Variants in INPP5B observed in about 807,000 individuals in gnomAD.
The protein encoded by INPP5B is inositol polyphosphate-5-phosphatase B.
INPP5B carries 90 observed loss-of-function variants against 118.5 expected under a neutral mutation model. The observed-to-expected ratio is 0.76, with a 90% CI of 0.64 to 0.90. The LOEUF (loss-of-function observed/expected upper bound fraction) is 0.90. Among genes scored for constraint, INPP5B ranks in the 40% least tolerant of loss-of-function variants. The pLI, the probability that INPP5B is intolerant of heterozygous loss-of-function variation, is 0.00. For missense variants in INPP5B, 984 were observed against 1,125.6 expected, an observed-to-expected ratio of 0.87 and a Z score of 1.80; for synonymous variants, 385 against 418.9, an observed-to-expected ratio of 0.92 and a Z score of 0.99.
intron 5 of INPP5B, among the ~76,000 whole-genome samples, chr1:37,942,933 A>G (rs1038749452): frequency 1.4e-5 from 2 of 145,016 alleles, no homozygotes; most frequent in Non-Finnish European, 3.0e-5. Context: ...GAGAGAGAGG[A>G]AGGGAGGGAG....
chr1:37,864,219 A>G, intron 23 of INPP5B, 93 bp downstream of exon 23: 1 of 686,864 alleles, frequency 1.5e-6, no homozygotes, highest in Admixed American at 2.8e-5. Context: ...TTTTAGTTCT[A>G]CTGCAAGGGA....
intron 13 of INPP5B, among the ~76,000 whole-genome samples, chr1:37,884,024 A>G (rs1380628140): frequency 1.3e-5 from 2 of 152,220 alleles, no homozygotes; most frequent in Admixed American, 6.5e-5. Context: ...ATATCTTTGT[A>G]AAGTTGAATT....
At chr1:37,928,156 T>G (rs1645310078) in intron 7 of INPP5B, among the ~76,000 whole-genome samples, 5 of 152,088 alleles carry the variant, frequency 3.3e-5, no homozygotes. Flanking sequence ...TTGTTTCTCC[T>G]GCCGTGAATC....
At chr1:37,882,274 C>G (rs928569838) in intron 14 of INPP5B, among the ~76,000 whole-genome samples, 2 of 152,142 alleles carry the variant, frequency 1.3e-5, no homozygotes, top group African/African-American at 4.8e-5. Flanking sequence ...CACAGGGAAA[C>G]AGATTCTCTT....
At chr1:37,883,168 GT>G in intron 13 of INPP5B, 1 of 985,288 alleles carries the variant, frequency 1.0e-6, no homozygotes, top group Non-Finnish European at 1.2e-6. Flanking sequence ...ATTCTTGTAG[GT>G]TGGAAAGACA....
chr1:37,895,747 G>A (rs927197285), intron 7 of INPP5B, among the ~76,000 whole-genome samples: 10 of 152,176 alleles, frequency 6.6e-5, no homozygotes, highest in Non-Finnish European at 1.3e-4. Flanking sequence ...GCTCCTAACC[G>A]CGAGTGATCC....
intron 7 of INPP5B, among the ~76,000 whole-genome samples, chr1:37,893,575 AG>A (rs1198892252): frequency 1.3e-5 from 2 of 152,172 alleles, no homozygotes; most frequent in East Asian, 3.8e-4. Context: ...TGACTATAAA[AG>A]CCTCAACTAG....
intron 7 of INPP5B, among the ~76,000 whole-genome samples, chr1:37,894,971 G>T (rs1643971409): frequency 6.6e-6 from 1 of 152,148 alleles, no homozygotes; most frequent in Non-Finnish European, 1.5e-5. Flanking sequence ...ACTAGAATGG[G>T]TTATGTCTAG....
At chr1:37,938,334 A>T (rs1052320001) in intron 6 of INPP5B, among the ~76,000 whole-genome samples, 1 of 151,892 alleles carries the variant, frequency 6.6e-6, no homozygotes, top group African/African-American at 2.4e-5. Flanking sequence ...AAATTTTTTT[A>T]AAAAGGAGTA....
At chr1:37,924,047 A>G (rs1212036548) in intron 7 of INPP5B, among the ~76,000 whole-genome samples, 2 of 150,058 alleles carry the variant, frequency 1.3e-5, no homozygotes, top group South Asian at 2.1e-4. Flanking sequence ...CAAAGTGCTG[A>G]GATTACAGGC....
rs1434650174 is a variant in INPP5B, at chr1:37,888,224, C to G, written c.899+19G>C. ...TGTGTGCTTGAAGATGGAGAGGGGA[C>G]TAGAAGAGAAGCACTCACCCTACAC... On this transcript the variant is annotated intron_variant, in intron 10 of 23. Coordinates refer to ENST00000373024, the MANE Select transcript of INPP5B (RefSeq NM_005540.3). 2 of 1,436,552 alleles carry G rather than the reference C, an allele frequency of 1.4e-6. No homozygotes were observed. Among genetic ancestry groups the G allele is most frequent in the Non-Finnish European group, 1.9e-6 (2 of 1,074,610 alleles). 89.0% of individuals were successfully genotyped at this position (1,436,552 alleles called of 1,614,324 possible). A position where few individuals can be genotyped will look rare whatever the true frequency, so the allele number is the denominator to read the frequency against.
intron 7 of INPP5B, among the ~76,000 whole-genome samples, chr1:37,896,816 G>A (rs545568032): frequency 7.1e-5 from 10 of 141,482 alleles, no homozygotes; most frequent in South Asian, 4.5e-4. Flanking sequence ...CGCCCTGTCC[G>A]GGAGGTGAGG....
intron 21 of INPP5B, 55 bp downstream of exon 21, chr1:37,866,404 T>TCACACA (rs1491111834): frequency 9.4e-4 from 344 of 366,950 alleles, no homozygotes; most frequent in African/African-American, 4.8e-3. Context: ...TCTCTCTCTC[T>TCACACA]CTCACACACA....
intron 7 of INPP5B, among the ~76,000 whole-genome samples, chr1:37,916,978 A>G (rs1279756597): frequency 6.6e-6 from 1 of 151,480 alleles, no homozygotes; most frequent in Non-Finnish European, 1.5e-5. Context: ...GTGTTGTCCA[A>G]TATATATTGA....
intron 18 of INPP5B, 39 bp from the exon 19 acceptor site, chr1:37,873,204 G>A (rs1642575660): frequency 3.4e-6 from 5 of 1,459,288 alleles, no homozygotes; most frequent in Non-Finnish European, 3.8e-6. Flanking sequence ...GCCGGGGGCA[G>A]GCCAAGAGGA....
intron 7 of INPP5B, among the ~76,000 whole-genome samples, chr1:37,910,799 G>A (rs1281452620): frequency 3.3e-5 from 5 of 151,888 alleles, no homozygotes; most frequent in Admixed American, 6.6e-5. Context: ...GCACCCTATC[G>A]ACCAAATTGT....
chr1:37,893,182 T>C (rs1433555390), intron 7 of INPP5B, among the ~76,000 whole-genome samples: 3 of 146,310 alleles, frequency 2.1e-5, no homozygotes, highest in Non-Finnish European at 4.5e-5. Flanking sequence ...CCAGGGCTCA[T>C]GTGATCCTCC....
At chr1:37,931,757 G>A (rs1645478249) in intron 7 of INPP5B, 156 bp downstream of exon 7, 4 of 1,601,040 alleles carry the variant, frequency 2.5e-6, no homozygotes, top group African/African-American at 2.7e-5. Flanking sequence ...CGCCCGTCCC[G>A]CGCGCTCCGC....
At chr1:37,875,380 T>C (rs1453508422) in intron 17 of INPP5B, among the ~76,000 whole-genome samples, 1 of 152,176 alleles carries the variant, frequency 6.6e-6, no homozygotes, top group African/African-American at 2.4e-5. Context: ...GTCATTCTCC[T>C]GTCTCAGCCT....
Sources: allele counts gnomAD v4.1 joint callset (sites outside exome capture counted in the v4.1 genomes callset), GRCh38; gene constraint gnomAD v4.1.1; transcripts MANE v1.5; gene names NCBI Gene and HGNC (gene_info 2026-07-23, HGNC 2026-07-21).